The following ANKRD24 variants were observed in gnomAD, a reference collection of about 807,000 sequenced individuals.
The protein encoded by ANKRD24 is ankyrin repeat domain 24.
Under a neutral mutation model 127.8 loss-of-function variants are expected in ANKRD24, and 109 were observed. That is an observed-to-expected ratio of 0.85 (90% confidence interval 0.73 to 1.00). ANKRD24 has a LOEUF of 1.00. Among genes scored for constraint, ANKRD24 ranks in the 50% least tolerant of loss-of-function variants. The pLI, the probability that ANKRD24 is intolerant of heterozygous loss-of-function variation, is 0.00. For synonymous variants in ANKRD24, 743 were observed against 671.1 expected, an observed-to-expected ratio of 1.11 and a Z score of -1.66; for missense variants, 1,648 against 1,570.2, an observed-to-expected ratio of 1.05 and a Z score of -0.84.
At chr19:4,196,072 G>A (rs1968717829) in intron 2 of ANKRD24, among the ~76,000 whole-genome samples, 1 of 152,196 alleles carries the variant, frequency 6.6e-6, no homozygotes. Context: ...GTGGAGGCCA[G>A]GGATGCTGCT....
At chr19:4,207,175 T>C in intron 7 of ANKRD24, 67 bp from the exon 8 acceptor site, 2 of 1,441,606 alleles carry the variant, frequency 1.4e-6, no homozygotes, top group East Asian at 2.3e-5. Context: ...CCTCCTGCCT[T>C]GGCCTCCCAA....
chr19:4,217,575 G>A lies in ANKRD24; in HGVS notation c.2415G>A (p.Leu805=). 2 of 1,308,788 alleles carry A rather than the reference G, an allele frequency of 1.5e-6. No homozygotes were observed. The highest frequency in any genetic ancestry group is 1.9e-6 in the Non-Finnish European group (2 of 1,032,950). 81.1% of individuals were successfully genotyped at this position (1,308,788 alleles called of 1,614,324 possible). A position where few individuals can be genotyped will look rare whatever the true frequency, so the allele number is the denominator to read the frequency against. ...ACCTCCGAGACCGGGACTCCCGCCT[G>A]CGGGAGCTGGAGGCGGCCTCGGCCT... is the stretch of plus-strand genomic sequence containing the variant. ...REDLRDRDSR[L]RELEAASACL... is the part of the protein sequence containing the mutation. The change falls in exon 18 of 22, where the codon CTG becomes CTA. Residue 805 remains leucine, a synonymous_variant. Coordinates refer to ENST00000318934, the MANE Select transcript of ANKRD24 (RefSeq NM_001393985.1).
In ANKRD24 at chr19:4,224,008, A is replaced by C. The variant is rs1568349984; in HGVS notation, c.3298-119A>C. 4.1e-6 allele frequency: 3 copies of C among 740,626 alleles called. No homozygotes were observed. The East Asian group carries it at 8.2e-5, about 20-fold the overall frequency. 45.9% of individuals were successfully genotyped at this position (740,626 alleles called of 1,614,324 possible). A position where few individuals can be genotyped will look rare whatever the true frequency, so the allele number is the denominator to read the frequency against. ...TGCCACTATGCCCCGCCATATTTTC[A>C]TATTTTAGCAGTCGGCCATCAACGT... is the stretch of plus-strand genomic sequence containing the variant. On this transcript the variant is annotated intron_variant, in intron 20 of 21. Transcript: ENST00000318934.
At chr19:4,186,126 G>A (rs1345928786) in intron 1 of ANKRD24, 2 of 574,706 alleles carry the variant, frequency 3.5e-6, no homozygotes, top group Non-Finnish European at 5.4e-6. Flanking sequence ...CTCTGTGTAG[G>A]GACCATGCTG....
rs989038714 is a variant in ANKRD24, at chr19:4,217,553, T to A, written c.2393T>A (p.Leu798His). 6.1e-6 allele frequency: 8 copies of A among 1,317,694 alleles called. No individual in the cohort carries two copies. Among genetic ancestry groups the A allele is most frequent in the Non-Finnish European group, 6.7e-6 (7 of 1,038,554 alleles). 81.6% of individuals were successfully genotyped at this position (1,317,694 alleles called of 1,614,324 possible). A position where few individuals can be genotyped will look rare whatever the true frequency, so the allele number is the denominator to read the frequency against. Reference protein sequence around the residue: ...RAALEQAREDLRDRDSRLREL... With the variant: ...RAALEQAREDHRDRDSRLREL... ...GCCCTGGAGCAGGCCCGGGAGGACC[T>A]CCGAGACCGGGACTCCCGCCTGCGG... is the stretch of plus-strand genomic sequence containing the variant. Residue 798 changes from leucine to histidine, a missense_variant, in exon 18 of 22, where the codon CTC (leucine) becomes CAC (histidine). Transcript: ENST00000318934.
At chr19:4,196,896 C>G (rs536387926) in intron 2 of ANKRD24, among the ~76,000 whole-genome samples, 1 of 152,278 alleles carries the variant, frequency 6.6e-6, no homozygotes, top group East Asian at 1.9e-4. Flanking sequence ...CCCAAGGCCC[C>G]TCCTCTACCG....
At chr19:4,188,498 C>T (rs1968196107) in intron 2 of ANKRD24, among the ~76,000 whole-genome samples, 1 of 151,504 alleles carries the variant, frequency 6.6e-6, no homozygotes, top group African/African-American at 2.4e-5. Context: ...ATCCTCCTGC[C>T]TCAGCCTCCC....
intron 13 of ANKRD24, among the ~76,000 whole-genome samples, 188 bp downstream of exon 13, chr19:4,210,560 C>A (rs1337109654): frequency 2.2e-5 from 3 of 138,588 alleles, no homozygotes; most frequent in Non-Finnish European, 4.8e-5. Context: ...GGCCTTTGCA[C>A]CACCAGTGTC....
At position 4,210,157 on chromosome 19, in the gene ANKRD24, A is replaced by G. The variant is rs1204866087; in HGVS notation, c.951+19A>G. 6.3e-7 allele frequency: 1 copy of G among 1,595,110 alleles called. No homozygotes were observed. Among genetic ancestry groups the G allele is most frequent in the African/African-American group, 1.3e-5 (1 of 74,536 alleles). On this transcript the variant is annotated intron_variant, in intron 12 of 21. Transcript: ENST00000318934. ...CATGCCGGTGAGAGATGCTCTGGGC[A>G]CGGGAGGAGGCATGGGGAGCCCCCA... is the stretch of plus-strand genomic sequence containing the variant.
chr19:4,222,902 A>G, intron 20 of ANKRD24, 107 bp downstream of exon 20: 1 of 1,314,904 alleles, frequency 7.6e-7, no homozygotes, highest in Non-Finnish European at 1.0e-6. Flanking sequence ...GGGCTGGGGT[A>G]GGCAGGTGGG....
At chr19:4,216,156 A>T in intron 16 of ANKRD24, 106 bp downstream of exon 16, 1 of 1,407,522 alleles carries the variant, frequency 7.1e-7, no homozygotes, top group Non-Finnish European at 9.7e-7. Context: ...GGAGGTTTGT[A>T]CTCATCCGTT....
At chr19:4,215,393 G>A (rs917508422) in intron 15 of ANKRD24, among the ~76,000 whole-genome samples, 7 of 151,628 alleles carry the variant, frequency 4.6e-5, no homozygotes, top group Non-Finnish European at 7.4e-5. Flanking sequence ...GTTGAGGCGG[G>A]AGAATCACTT....
chr19:4,191,335 T>A (rs1265043080), intron 2 of ANKRD24, among the ~76,000 whole-genome samples: 1 of 152,120 alleles, frequency 6.6e-6, no homozygotes, highest in African/African-American at 2.4e-5. Flanking sequence ...CTCCTGTCAC[T>A]GGGACCTTGT....
chr19:4,219,606 C>T lies in ANKRD24; in HGVS notation c.3019C>T (p.Leu1007=). 6.2e-7 allele frequency: 1 copy of T among 1,611,908 alleles called. No individual in the cohort carries two copies. The highest frequency in any genetic ancestry group is 8.5e-7 in the Non-Finnish European group (1 of 1,178,410). The change falls in exon 19 of 22, where the codon CTG becomes TTG. Residue 1007 remains leucine (L), a synonymous_variant. Transcript: ENST00000318934. The part of the protein sequence containing the change: ...AEVFQVQREA[L]FMKSERHAAE... ...TGGGCCACAGGTGCAGCGTGAGGCCCTGTTCATGAAGAGTGAGCGACACGC... is the reference window on the plus strand; with the variant it reads ...TGGGCCACAGGTGCAGCGTGAGGCCTTGTTCATGAAGAGTGAGCGACACGC...
At chr19:4,210,695 G>T (rs553767345) in intron 13 of ANKRD24, among the ~76,000 whole-genome samples, 3 of 151,862 alleles carry the variant, frequency 2.0e-5, no homozygotes, top group Admixed American at 2.0e-4. Flanking sequence ...TATGCAGTAG[G>T]CTCCTCGCCA....
At chr19:4,203,118 G>C (rs1208569970) in intron 7 of ANKRD24, among the ~76,000 whole-genome samples, 192 bp downstream of exon 7, 1 of 151,788 alleles carries the variant, frequency 6.6e-6, no homozygotes, top group East Asian at 1.9e-4. Flanking sequence ...CAAGATCTCA[G>C]CTCACTGTAA....
At chr19:4,185,484 C>T (rs1172603893) in intron 1 of ANKRD24, among the ~76,000 whole-genome samples, 1 of 152,066 alleles carries the variant, frequency 6.6e-6, no homozygotes, top group Non-Finnish European at 1.5e-5. Flanking sequence ...GATTCTCCAT[C>T]ACAGAAATCC....
rs10413818 is a variant in ANKRD24 at position 4,216,913 on chromosome 19, G to A, written c.1753G>A (p.Glu585Lys). ...RTMEAEATGA[E>K]ATGAEATGAK... ...TATGGAAGCTGAGGCCACGGGAGCC[G>A]AGGCCACGGGAGCTGAGGCCACAGG... Residue 585 changes from glutamate to lysine, a missense_variant, in exon 18 of 22, where the codon GAG (glutamate) becomes AAG (lysine). Transcript: ENST00000318934. 0.75 allele frequency: 1,212,659 copies of A among 1,609,760 alleles called. 458,127 individuals carry two copies. Among genetic ancestry groups the A allele is most frequent in the East Asian group, 0.82 (36,689 of 44,790 alleles).
intron 15 of ANKRD24, 23 bp from the exon 16 acceptor site, chr19:4,215,955 T>A (rs750361878): frequency 1.3e-6 from 2 of 1,563,130 alleles, no homozygotes; most frequent in Non-Finnish European, 8.7e-7. Flanking sequence ...AACCCCGAGC[T>A]GGACTCTGCT....
Sources: gnomAD v4.1 joint callset for allele counts (sites outside exome capture counted in the v4.1 genomes callset) on GRCh38, gnomAD v4.1.1 for gene constraint, MANE v1.5 for transcripts, NCBI Gene and HGNC (gene_info 2026-07-23, HGNC 2026-07-21) for gene names.